VAC14: variants seen among roughly 807,000 people sequenced by gnomAD.
VAC14 encodes VAC14 component of PIKFYVE complex.
A neutral mutation model predicts 85.3 loss-of-function variants in VAC14; 47 were observed. The observed-to-expected ratio is 0.55, with a 90% confidence interval of 0.44 to 0.70. The LOEUF is 0.70. Ranked by LOEUF, VAC14 falls within the 30% of genes least tolerant of loss-of-function variation. The pLI, the probability that VAC14 is intolerant of heterozygous loss-of-function variation, is 0.00. For missense variants in VAC14, 861 were observed against 1,004.3 expected (o/e 0.86, Z 1.93); for synonymous variants, 447 against 430.5 (o/e 1.04, Z -0.47).
At chr16:70,788,991 G>A (rs1310385065) in intron 1 of VAC14, among the ~76,000 whole-genome samples, 2 of 152,220 alleles carry the variant, frequency 1.3e-5, no homozygotes, top group African/African-American at 4.8e-5. Flanking sequence ...TTCACCTTAA[G>A]GGGACTCCTG....
At position 70,781,998 on chromosome 16, in the gene VAC14, G is replaced by C. The variant is rs1180806838; in HGVS notation, c.817C>G (p.Leu273Val). ...LVIHCQTTDD[L>V]IQLTAMCWMR... ...CAGCACATGGCTGTCAGCTGGATGA[G>C]GTCATCTGGAAGGGGAATCAGGGGG... Residue 273 changes from leucine to valine, a missense_variant, in exon 8 of 19, where the codon CTC (leucine) becomes GTC (valine). Physicochemically the swap from Leu to Val is conservative, Grantham distance 32 (BLOSUM62 1). Transcript: ENST00000261776. 11 of 1,613,490 alleles carry C rather than the reference G, an allele frequency of 6.8e-6. No individual in the cohort carries two copies. The highest frequency in any genetic ancestry group is 9.3e-6 in the Non-Finnish European group (11 of 1,179,760).
chr16:70,773,772 A>T lies in VAC14; in HGVS notation c.1097-1600T>A, dbSNP rs145222052. On this transcript the variant is annotated intron_variant, in intron 9 of 18. Transcript: ENST00000261776. ...CCATAGTTCAATTATTATTATTATT[A>T]TTTTTTTTTGAGATAGAGTCTTGGC... 8.8e-3 allele frequency among the ~76,000 whole-genome samples: 1,271 copies of T among 144,218 alleles called. 16 individuals carry two copies. Among genetic ancestry groups the T allele is most frequent in the African/African-American group, 0.027 (1,070 of 39,922 alleles). The allele number at this position is 144,218 out of a possible 152,430, so 94.6% of individuals were successfully genotyped here.
At chr16:70,795,478 A>G (rs1419518956) in intron 1 of VAC14, among the ~76,000 whole-genome samples, 3 of 148,394 alleles carry the variant, frequency 2.0e-5, no homozygotes, top group Non-Finnish European at 3.0e-5. Flanking sequence ...CCTGGGCGAC[A>G]GAGCGAGACT....
chr16:70,798,483 C>G (rs780628946), intron 1 of VAC14, among the ~76,000 whole-genome samples: 1 of 152,184 alleles, frequency 6.6e-6, no homozygotes, highest in Non-Finnish European at 1.5e-5. Flanking sequence ...CTCAGACAAG[C>G]AAAATGCTGG....
intron 13 of VAC14, among the ~76,000 whole-genome samples, chr16:70,736,123 T>C (rs975771163): frequency 6.6e-5 from 10 of 151,980 alleles, no homozygotes; most frequent in African/African-American, 2.4e-4. Context: ...TGGGGAGAGG[T>C]GCGGGGCCGT....
intron 1 of VAC14, among the ~76,000 whole-genome samples, chr16:70,793,139 C>T (rs1287937961): frequency 6.6e-6 from 1 of 152,332 alleles, no homozygotes; most frequent in Admixed American, 6.5e-5. Flanking sequence ...GTAGCTTTCT[C>T]TATACACTTT....
At chr16:70,793,430 T>C (rs1372323367) in intron 1 of VAC14, among the ~76,000 whole-genome samples, 1 of 152,220 alleles carries the variant, frequency 6.6e-6, no homozygotes, top group Non-Finnish European at 1.5e-5. Context: ...TTAAGAAATA[T>C]ACACAAAGTC....
At chr16:70,754,102 A>G (rs1237708019) in intron 12 of VAC14, among the ~76,000 whole-genome samples, 1 of 152,136 alleles carries the variant, frequency 6.6e-6, no homozygotes, top group African/African-American at 2.4e-5. Flanking sequence ...CAGGGCAAGG[A>G]ACATGGAGAG....
In VAC14 at chr16:70,733,548, C is replaced by T. The variant is rs117329546; in HGVS notation, c.1529-1921G>A. On this transcript the variant is annotated intron_variant, in intron 13 of 18. Coordinates refer to ENST00000261776, the MANE Select transcript of VAC14 (RefSeq NM_018052.5). ...TACTGGATGATGGGGGTGGATTTCT[C>T]ATGAATGGGTTAGCACCATCCCCTT... Among the ~76,000 whole-genome samples the T allele has an allele frequency of 1.1e-3, 166 of 152,060 alleles. 1 individual carries two copies. In the East Asian group the frequency reaches 0.027, roughly 24 times the overall value.
intron 1 of VAC14, among the ~76,000 whole-genome samples, chr16:70,788,414 G>C (rs911929758): frequency 2.6e-5 from 4 of 152,240 alleles, no homozygotes; most frequent in African/African-American, 9.6e-5. Context: ...GGAAGGAGCT[G>C]TACAAGTGGC....
intron 14 of VAC14, among the ~76,000 whole-genome samples, chr16:70,707,780 C>A (rs1053500685): frequency 6.6e-6 from 1 of 151,266 alleles, no homozygotes; most frequent in Non-Finnish European, 1.5e-5. Flanking sequence ...CTTGGCCCAT[C>A]GGGCTGGCTT....
chr16:70,693,616 C>T (rs1411570047), intron 17 of VAC14, among the ~76,000 whole-genome samples: 1 of 152,280 alleles, frequency 6.6e-6, no homozygotes, highest in African/African-American at 2.4e-5. Context: ...GCCCAGCACT[C>T]ATTCCAGCCC....
At chr16:70,760,967 GTGTGT>G (rs2032294546) in intron 12 of VAC14, among the ~76,000 whole-genome samples, 1 of 66,032 alleles carries the variant, frequency 1.5e-5, no homozygotes, top group African/African-American at 1.1e-4. Flanking sequence ...GAGAGGGTGT[GTGTGT>G]GTGTGTGTGT....
In VAC14 at chr16:70,691,727, C is replaced by G. The variant is rs533904799; in HGVS notation, c.2186+1094G>C. 42 of 985,464 alleles carry G rather than the reference C, an allele frequency of 4.3e-5. No homozygotes were observed. In the African/African-American group the frequency reaches 7.3e-4, roughly 17 times the overall value. 61.0% of individuals were successfully genotyped at this position (985,464 alleles called of 1,614,324 possible). On this transcript the variant is annotated intron_variant, in intron 18 of 18. Transcript: ENST00000261776. ...GGGGCCACACTTTCTAGGGGTTCAGCCTCTCCAGCTGGCCTGGGGCAGAGA... is the reference window on the plus strand; with the variant it reads ...GGGGCCACACTTTCTAGGGGTTCAGGCTCTCCAGCTGGCCTGGGGCAGAGA...
chr16:70,726,060 C>T (rs1211982294), intron 14 of VAC14, among the ~76,000 whole-genome samples: 1 of 152,274 alleles, frequency 6.6e-6, no homozygotes, highest in East Asian at 1.9e-4. Context: ...CTTCCCAGCA[C>T]AGAAGCAGGC....
At chr16:70,741,622 T>G (rs1010311245) in intron 13 of VAC14, among the ~76,000 whole-genome samples, 1 of 152,208 alleles carries the variant, frequency 6.6e-6, no homozygotes, top group Non-Finnish European at 1.5e-5. Flanking sequence ...CCACTGCTCC[T>G]TGGCTGTGGA....
chr16:70,775,248 C>T (rs1468368241), intron 9 of VAC14, among the ~76,000 whole-genome samples: 2 of 152,178 alleles, frequency 1.3e-5, no homozygotes, highest in East Asian at 1.9e-4. Context: ...AATATATCCT[C>T]ATTCTAAAAT....
At position 70,745,518 on chromosome 16, in the gene VAC14, T is replaced by TGTGTGTGC. The variant is rs374204849; in HGVS notation, c.1372-940_1372-939insGCACACAC. ...GTGTGTGTGTGTGTGTGTGTGTGTG[T>TGTGTGTGC]GCGCGTGTGCGCGCGTGTGCCTGTG... On this transcript the variant is annotated intron_variant, in intron 12 of 18. Coordinates refer to ENST00000261776, the MANE Select transcript of VAC14 (RefSeq NM_018052.5). Among the ~76,000 whole-genome samples, 83 of 141,106 alleles carry TGTGTGTGC rather than the reference T, an allele frequency of 5.9e-4. 1 individual carries two copies. Among genetic ancestry groups the TGTGTGTGC allele is most frequent in the African/African-American group, 2.4e-3 (77 of 32,704 alleles). The allele number at this position is 141,106 out of a possible 152,430, so 92.6% of individuals were successfully genotyped here.
chr16:70,761,184 G>A (rs1295953992), intron 12 of VAC14: 1 of 455,836 alleles, frequency 2.2e-6, no homozygotes, highest in Admixed American at 2.4e-5. Flanking sequence ...TCAGGCTGCA[G>A]GACAGCTGCC....
Sources: allele counts gnomAD v4.1 joint callset (sites outside exome capture counted in the v4.1 genomes callset), GRCh38; gene constraint gnomAD v4.1.1; transcripts MANE v1.5; gene names NCBI Gene and HGNC (gene_info 2026-07-23, HGNC 2026-07-21).